ELAC2: variants seen among roughly 807,000 people sequenced by gnomAD.
The protein encoded by ELAC2 is zinc phosphodiesterase ELAC protein 2.
A neutral mutation model predicts 105.2 loss-of-function variants in ELAC2; 92 were observed. The observed-to-expected ratio is 0.87, with a 90% CI of 0.74 to 1.04. The LOEUF (loss-of-function observed/expected upper bound fraction) is 1.04, where lower values mean the gene tolerates loss of function less well. Among genes scored for constraint, ELAC2 ranks in the 50% least tolerant of loss-of-function variants. The probability of loss-of-function intolerance (pLI) is 0.00; values close to 1 mark genes in which losing one functional copy is unlikely to be tolerated. For synonymous variants in ELAC2, 468 were observed against 409.1 expected, an observed-to-expected ratio of 1.14 and a Z score of -1.74; for missense variants, 1,099 against 1,071.7, an observed-to-expected ratio of 1.03 and a Z score of -0.36.
In ELAC2 at chr17:13,015,847, T is replaced by A; in HGVS notation, c.368-15A>T. The A allele has an allele frequency of 1.2e-6, 2 of 1,607,916 alleles. No homozygotes were observed. The highest frequency in any genetic ancestry group is 1.7e-6 in the Non-Finnish European group (2 of 1,174,462). On this transcript the variant is annotated splice_polypyrimidine_tract_variant and intron_variant, in intron 3 of 23. Transcript: ENST00000338034. ...AAGAATCATTCCTAAAAAGGATGCA[T>A]AAAATCAGATCTCTCATCAATTTGA...
In ELAC2 at chr17:13,010,653, C is replaced by T; in HGVS notation, c.698G>A (p.Gly233Glu). 1.9e-6 allele frequency: 3 copies of T among 1,614,120 alleles called. No individual in the cohort carries two copies. The highest frequency in any genetic ancestry group is 1.7e-6 in the Non-Finnish European group (2 of 1,180,016). The change falls in exon 8 of 24, where the codon GGG becomes GAG. Residue 233 changes from glycine to glutamate, a missense_variant. By Grantham distance (98) the Gly-to-Glu change is moderately conservative. Transcript: ENST00000338034. ...TACGACCAGGGAAGAGTCCCTGACCCCTCTTCTCTGGCTAACACCTGAGGA... is the reference window on the plus strand; with the variant it reads ...TACGACCAGGGAAGAGTCCCTGACCTCTCTTCTCTGGCTAACACCTGAGGA... ...HLPHGVSQRR[G>E]VRDSSLVVAF...
chr17:12,998,063 T>C (rs1012458192), intron 16 of ELAC2, among the ~76,000 whole-genome samples: 5 of 152,204 alleles, frequency 3.3e-5, no homozygotes, highest in Admixed American at 6.5e-5. Flanking sequence ...AAGTCACCTC[T>C]CTGAATATCA....
chr17:13,014,289 C>CAAA (rs2041599371), intron 5 of ELAC2, 150 bp downstream of exon 5: 1 of 554,714 alleles, frequency 1.8e-6, no homozygotes. Flanking sequence ...AAGACTCTAT[C>CAAA]CAAAAAAAAA....
intron 5 of ELAC2, 136 bp downstream of exon 5, chr17:13,014,303 A>G: frequency 1.5e-6 from 1 of 660,154 alleles, no homozygotes; most frequent in Admixed American, 2.7e-5. Flanking sequence ...AAAAAAAAAA[A>G]AAAAAAAAAA....
Position 12,992,887 on chromosome 17 carries a change from C to A in ELAC2, c.2412G>T (p.Glu804Asp), listed in dbSNP as rs1165224986. Reference sequence around the variant, plus strand: ...CCCGCTTCTGCTGAGGCTCCCCATCCTCCAGGCCGCCTGCCAGCTCCCTGG... The same window carrying A: ...CCCGCTTCTGCTGAGGCTCCCCATCATCCAGGCCGCCTGCCAGCTCCCTGG... ...LLSRELAGGL[E>D]DGEPQQKRAH... is the part of the protein sequence containing the mutation. The change falls in exon 24 of 24, where the codon GAG becomes GAT. Residue 804 changes from glutamate to aspartate, a missense_variant. By Grantham distance (45) the Glu-to-Asp change is conservative. Transcript: ENST00000338034. The A allele has an allele frequency of 3.1e-6, 5 of 1,612,794 alleles. No individual in the cohort carries two copies. The Admixed American group carries it at 6.7e-5, about 21-fold the overall frequency.
intron 23 of ELAC2, 147 bp from the exon 24 acceptor site, chr17:12,993,192 A>G: frequency 1.1e-6 from 1 of 911,110 alleles, no homozygotes; most frequent in Non-Finnish European, 1.7e-6. Context: ...GAAATGGAAA[A>G]AAGAATGGCA....
rs373198467 is a variant in ELAC2, at chr17:13,017,704, G to A, written c.244C>T (p.Arg82Trp). Residue 82 changes from arginine (R) to tryptophan (W), a missense_variant and splice_region_variant, in exon 1 of 24, where the codon CGG becomes TGG. By Grantham distance (101) the Arg-to-Trp change is moderately radical. Transcript: ENST00000338034. ...AALYVFSEFN[R>W]YLFNCGEGVQ... ...ACGGGGCGTGGCTCGTTGACTGACC[G>A]GTTGAACTCGGAGAAGACGTAGAGC... The A allele has an allele frequency of 6.2e-7, 1 of 1,612,944 alleles. No homozygotes were observed. The highest frequency in any genetic ancestry group is 8.5e-7 in the Non-Finnish European group (1 of 1,179,782).
intron 5 of ELAC2, among the ~76,000 whole-genome samples, chr17:13,013,913 CACACAGCATGT>C (rs1411339719): frequency 6.6e-6 from 1 of 152,184 alleles, no homozygotes; most frequent in Non-Finnish European, 1.5e-5. Flanking sequence ...TGGAGAATGC[CACACAGCATGT>C]ACACAGGCAG....
At chr17:13,013,772 G>A (rs1351654868) in intron 5 of ELAC2, among the ~76,000 whole-genome samples, 2 of 152,176 alleles carry the variant, frequency 1.3e-5, no homozygotes, top group African/African-American at 2.4e-5. Flanking sequence ...CTGCGCAGCT[G>A]GAGCTGCGTT....
In ELAC2 at chr17:12,994,947, C is replaced by A. The variant is rs773964699; in HGVS notation, c.1908+16G>T. 25 of 1,614,030 alleles carry A rather than the reference C, an allele frequency of 1.5e-5. No homozygotes were observed. The highest frequency in any genetic ancestry group is 2.0e-5 in the Non-Finnish European group (24 of 1,180,052). On this transcript the variant is annotated intron_variant, in intron 20 of 23. Transcript: ENST00000338034. ...CCCCACCTCGCCCCCATGATGCCTG[C>A]GGCTGTGCCCCTTACCTCTTCCAAA...
At chr17:13,004,587 G>A (rs970383361) in intron 11 of ELAC2, among the ~76,000 whole-genome samples, 3 of 152,134 alleles carry the variant, frequency 2.0e-5, no homozygotes, top group Admixed American at 6.5e-5. Flanking sequence ...ACGGACTCTT[G>A]ACCACGACAG....
Position 12,991,872 on chromosome 17 carries a change from A to G in ELAC2, c.*946T>C, listed in dbSNP as rs376943540. Among the ~76,000 whole-genome samples the G allele has an allele frequency of 1.7e-5, 2 of 119,310 alleles. No individual in the cohort carries two copies. Among genetic ancestry groups the G allele is most frequent in the Admixed American group, 8.0e-5 (1 of 12,538 alleles). The allele number at this position is 119,310 out of a possible 152,430, so 78.3% of individuals were successfully genotyped here. ...ACTTACTTACTTACTTACTTACTTTACTTACTTACTTCCTTGGAAAATGCT... is the reference window on the plus strand; with the variant it reads ...ACTTACTTACTTACTTACTTACTTTGCTTACTTACTTCCTTGGAAAATGCT... On this transcript the variant is annotated 3_prime_UTR_variant, in exon 24 of 24. Transcript: ENST00000338034.
intron 10 of ELAC2, among the ~76,000 whole-genome samples, 177 bp downstream of exon 10, chr17:13,005,576 T>C (rs1214267450): frequency 1.3e-5 from 2 of 152,180 alleles, no homozygotes; most frequent in Non-Finnish European, 2.9e-5. Flanking sequence ...AATGCAGCCG[T>C]GTTGACATGC....
At chr17:13,006,001 T>C (rs200259929) in intron 8 of ELAC2, 22 bp from the exon 9 acceptor site, 5 of 1,612,692 alleles carry the variant, frequency 3.1e-6, no homozygotes, top group Non-Finnish European at 3.4e-6. Flanking sequence ...AGAACATAGA[T>C]GTGATCTTAG....
chr17:12,992,583 T>G lies in ELAC2; in HGVS notation c.*235A>C, dbSNP rs2143536665. On this transcript the variant is annotated 3_prime_UTR_variant, in exon 24 of 24. Coordinates refer to ENST00000338034, the MANE Select transcript of ELAC2 (RefSeq NM_018127.7). ...TTGAAATGAAATTAGTTCATCTGCTTGCTTCCGTGTGGCAGCCTCCTGGCC... is the reference window on the plus strand; with the variant it reads ...TTGAAATGAAATTAGTTCATCTGCTGGCTTCCGTGTGGCAGCCTCCTGGCC... The G allele has an allele frequency of 3.5e-6, 2 of 575,022 alleles. No homozygotes were observed. The highest frequency in any genetic ancestry group is 5.8e-5 in the East Asian group (2 of 34,768). 35.6% of individuals were successfully genotyped at this position (575,022 alleles called of 1,614,324 possible).
rs745937151 is a variant in ELAC2 at position 13,011,674 on chromosome 17, T to C, written c.668A>G (p.His223Arg). The change falls in exon 7 of 24, where the codon CAC becomes CGC. Residue 223 changes from histidine to arginine, a missense_variant. His to Arg is a conservative substitution (Grantham distance 29). Coordinates refer to ENST00000338034, the MANE Select transcript of ELAC2 (RefSeq NM_018127.7). The part of the protein sequence containing the change: ...SDSESNENEP[H>R]LPHGVSQRRG... ...GTTTATACTATTACCATGTGGAAGG[T>C]GTGGCTCATTTTCATTCGACTCGGA... 31 of 1,614,086 alleles carry C rather than the reference T, an allele frequency of 1.9e-5. No homozygotes were observed. Among genetic ancestry groups the C allele is most frequent in the Non-Finnish European group, 2.4e-5 (28 of 1,180,046 alleles).
intron 6 of ELAC2, 121 bp from the exon 7 acceptor site, chr17:13,011,903 A>T: frequency 6.8e-7 from 1 of 1,476,206 alleles, no homozygotes; most frequent in South Asian, 1.2e-5. Flanking sequence ...TTTACTATAC[A>T]GTAGGAAATA....
intron 14 of ELAC2, 86 bp downstream of exon 14, chr17:13,002,188 C>G: frequency 7.0e-7 from 1 of 1,434,580 alleles, no homozygotes; most frequent in Admixed American, 1.8e-5. Context: ...TCTGGAGAGC[C>G]TCCTGGAACA....
At chr17:13,015,411 A>C (rs1057258030) in intron 4 of ELAC2, among the ~76,000 whole-genome samples, 1 of 152,222 alleles carries the variant, frequency 6.6e-6, no homozygotes, top group Non-Finnish European at 1.5e-5. Flanking sequence ...GATGTCAGAA[A>C]TTTATTGAAT....
Sources: allele counts gnomAD v4.1 joint callset (sites outside exome capture counted in the v4.1 genomes callset), GRCh38; gene constraint gnomAD v4.1.1; transcripts MANE v1.5; gene names NCBI Gene and HGNC (gene_info 2026-07-23, HGNC 2026-07-21).